EPHA7: variants seen among roughly 807,000 people sequenced by gnomAD.
EPHA7 encodes EPH receptor A7.
EPHA7 carries 25 observed loss-of-function variants against 112.6 expected under a neutral mutation model. The observed-to-expected ratio is 0.22, with a 90% confidence interval of 0.16 to 0.31. The LOEUF (loss-of-function observed/expected upper bound fraction) is 0.31. Among genes scored for constraint, EPHA7 ranks in the 10% least tolerant of loss-of-function variants. The pLI, the probability that EPHA7 is intolerant of heterozygous loss-of-function variation, is 1.00. For synonymous variants in EPHA7, 437 were observed against 406.5 expected (o/e 1.07, Z -0.90); for missense variants, 962 against 1,212.6 (o/e 0.79, Z 3.07).
intron 5 of EPHA7, among the ~76,000 whole-genome samples, chr6:93,303,630 C>G (rs1345057923): frequency 6.6e-6 from 1 of 152,080 alleles, no homozygotes; most frequent in Non-Finnish European, 1.5e-5. Context: ...AAGGCATACA[C>G]ACAATCATAT....
At chr6:93,300,787 T>C (rs2127849148) in intron 5 of EPHA7, among the ~76,000 whole-genome samples, 1 of 152,328 alleles carries the variant, frequency 6.6e-6, no homozygotes, top group South Asian at 2.1e-4. Context: ...TATACAGTCA[T>C]GCATTCCTTA....
intron 5 of EPHA7, among the ~76,000 whole-genome samples, chr6:93,275,155 T>C (rs141269209): frequency 5.3e-5 from 8 of 151,952 alleles, no homozygotes; most frequent in African/African-American, 1.7e-4. Context: ...AGTGACAATA[T>C]ACAAATGAAT....
intron 5 of EPHA7, among the ~76,000 whole-genome samples, chr6:93,284,385 C>T (rs183264525): frequency 4.6e-5 from 7 of 150,818 alleles, no homozygotes; most frequent in African/African-American, 1.7e-4. Context: ...GTGGATTATC[C>T]TACAAGGGGA....
intron 3 of EPHA7, among the ~76,000 whole-genome samples, chr6:93,405,753 C>T (rs1208520365): frequency 6.9e-6 from 1 of 145,922 alleles, no homozygotes; most frequent in African/African-American, 2.5e-5. Context: ...GAGCTACTAA[C>T]CCACTGGTGT....
chr6:93,359,874 G>GAGAGAGAGAGAGAGAGAGAGAGAT (rs1462833873), intron 3 of EPHA7, among the ~76,000 whole-genome samples: 13 of 127,930 alleles, frequency 1.0e-4, no homozygotes, highest in Non-Finnish European at 1.2e-4. Context: ...GAGAGAGAGA[G>GAGAGAGAGAGAGAGAGAGAGAGAT]AGATAGATAG....
chr6:93,289,140 T>C (rs368593520), intron 5 of EPHA7, among the ~76,000 whole-genome samples: 10 of 152,328 alleles, frequency 6.6e-5, no homozygotes, highest in African/African-American at 2.4e-4. Context: ...AGTACTAAAA[T>C]ATCTTATAAA....
intron 5 of EPHA7, among the ~76,000 whole-genome samples, chr6:93,314,025 G>A (rs148839955): frequency 6.6e-5 from 10 of 150,894 alleles, no homozygotes; most frequent in East Asian, 5.9e-4. Flanking sequence ...CTTTCTTCTC[G>A]TTTTCAATTC....
In EPHA7 at chr6:93,257,898, T is replaced by C. The variant is rs114713948; in HGVS notation, c.2110+201A>G. On this transcript the variant is annotated intron_variant, in intron 11 of 16. Transcript: ENST00000369303. ...TATCAGAGTTATTCTTCAACTCTAA[T>C]CTTGCATTCATTTTTTTTCTGCTTT... Among the ~76,000 whole-genome samples the C allele has an allele frequency of 5.2e-3, 789 of 152,176 alleles. 8 individuals are homozygous for C. Among genetic ancestry groups the C allele is most frequent in the African/African-American group, 0.018 (762 of 41,520 alleles).
intron 5 of EPHA7, among the ~76,000 whole-genome samples, chr6:93,310,648 C>A (rs1041789797): frequency 1.3e-5 from 2 of 149,114 alleles, no homozygotes; most frequent in Non-Finnish European, 3.0e-5. Flanking sequence ...TATGACACAG[C>A]GAGACTCCGT....
intron 5 of EPHA7, among the ~76,000 whole-genome samples, chr6:93,335,024 C>T (rs192769493): frequency 1.6e-4 from 24 of 152,130 alleles, no homozygotes; most frequent in African/African-American, 5.3e-4. Flanking sequence ...ACCCATATAA[C>T]CTCAGGTGTT....
chr6:93,348,153 C>T (rs1384754614), intron 5 of EPHA7, among the ~76,000 whole-genome samples: 1 of 151,626 alleles, frequency 6.6e-6, no homozygotes, highest in Non-Finnish European at 1.5e-5. Context: ...CAGAAAGATA[C>T]TGGGACTGGA....
At position 93,405,801 on chromosome 6, in the gene EPHA7, GTGTGTGTGTGTGTATATATATA is replaced by G. The variant is rs1447470367; in HGVS notation, c.832+4678_832+4699del. On this transcript the variant is annotated intron_variant, in intron 3 of 16. Coordinates refer to ENST00000369303, the MANE Select transcript of EPHA7 (RefSeq NM_004440.4). ...TGTATATATGTGTGTGTGTGTGTGTGTGTGTGTGTGTGTATATATATATATATATATATATATATATATATAT... is the reference window on the plus strand; with the variant it reads ...TGTATATATGTGTGTGTGTGTGTGTGTATATATATATATATATATATATAT... Among the ~76,000 whole-genome samples, 27 of 64,388 alleles carry G rather than the reference GTGTGTGTGTGTGTATATATATA, an allele frequency of 4.2e-4. 1 individual carries two copies. The highest frequency in any genetic ancestry group is 1.8e-3 in the South Asian group (3 of 1,670). The allele number at this position is 64,388 out of a possible 152,430, so 42.2% of individuals were successfully genotyped here.
chr6:93,255,717 T>G (rs552154683), intron 13 of EPHA7, 111 bp downstream of exon 13: 3 of 934,088 alleles, frequency 3.2e-6, no homozygotes, highest in African/African-American at 3.3e-5. Flanking sequence ...CTCAAAATGC[T>G]TAGCTCAATT....
chr6:93,242,711 C>T lies in EPHA7; in HGVS notation c.*715G>A, dbSNP rs1769740935. On this transcript the variant is annotated 3_prime_UTR_variant, in exon 17 of 17. Transcript: ENST00000369303. ...TTGAAAAGATAGTGTGTTGTCTGAT[C>T]TTTACAAAAAAATTCTTTTTAAAAA... 9.2e-6 allele frequency: 2 copies of T among 218,250 alleles called. No individual in the cohort carries two copies. The highest frequency in any genetic ancestry group is 1.8e-5 in the Non-Finnish European group (2 of 108,406). 13.5% of individuals were successfully genotyped at this position (218,250 alleles called of 1,614,324 possible). A position where few individuals can be genotyped will look rare whatever the true frequency, so the allele number is the denominator to read the frequency against.
chr6:93,379,067 A>G (rs1777204976), intron 3 of EPHA7, among the ~76,000 whole-genome samples: 1 of 152,188 alleles, frequency 6.6e-6, no homozygotes, highest in Non-Finnish European at 1.5e-5. Context: ...AAGTATTTAT[A>G]TTAACATAAG....
intron 7 of EPHA7, among the ~76,000 whole-genome samples, chr6:93,266,247 A>G (rs1489788855): frequency 6.6e-6 from 1 of 151,690 alleles, no homozygotes; most frequent in East Asian, 1.9e-4. Flanking sequence ...AGAATGGAGT[A>G]GTTCCAGTCA....
chr6:93,418,816 G>C (rs538275290), intron 1 of EPHA7, among the ~76,000 whole-genome samples: 10 of 152,322 alleles, frequency 6.6e-5, no homozygotes, highest in Admixed American at 1.3e-4. Context: ...AGACGGTAGG[G>C]GCTGCATTTC....
At chr6:93,319,906 C>T (rs1295637499) in intron 5 of EPHA7, among the ~76,000 whole-genome samples, 1 of 151,984 alleles carries the variant, frequency 6.6e-6, no homozygotes, top group Non-Finnish European at 1.5e-5. Context: ...AATATCTATA[C>T]AGCAATAAAA....
At chr6:93,291,009 TG>T (rs1169629729) in intron 5 of EPHA7, among the ~76,000 whole-genome samples, 37 of 152,240 alleles carry the variant, frequency 2.4e-4, no homozygotes, top group Non-Finnish European at 1.5e-5. Context: ...ACTCTGTAGA[TG>T]TTCACTTACT....
Sources: gnomAD v4.1 joint callset for allele counts (sites outside exome capture counted in the v4.1 genomes callset) on GRCh38, gnomAD v4.1.1 for gene constraint, MANE v1.5 for transcripts, NCBI Gene and HGNC (gene_info 2026-07-23, HGNC 2026-07-21) for gene names.